EVI5: variants seen among roughly 807,000 people sequenced by gnomAD.
EVI5 encodes ecotropic viral integration site 5.
Under a neutral mutation model 112.0 loss-of-function variants are expected in EVI5, and 73 were observed. That is an observed-to-expected ratio of 0.65 (90% CI 0.54 to 0.79). EVI5 has a LOEUF of 0.79. Ranked by LOEUF, EVI5 falls within the 30% of genes least tolerant of loss-of-function variation. The pLI is 0.00. For synonymous variants in EVI5, 305 were observed against 319.9 expected (o/e 0.95, Z 0.50); for missense variants, 900 against 968.8 (o/e 0.93, Z 0.94).
At chr1:92,755,224 C>T (rs1017367479) in intron 1 of EVI5, among the ~76,000 whole-genome samples, 5 of 151,716 alleles carry the variant, frequency 3.3e-5, no homozygotes, top group Admixed American at 2.0e-4. Flanking sequence ...GCCTGGCCAA[C>T]ATGTTGAAAC....
At chr1:92,644,756 T>C (rs1324192088) in intron 13 of EVI5, among the ~76,000 whole-genome samples, 2 of 152,188 alleles carry the variant, frequency 1.3e-5, no homozygotes, top group African/African-American at 4.8e-5. Context: ...TGTTCTAATT[T>C]CCTTTTAGAC....
At chr1:92,785,129 C>T (rs970379081), upstream of EVI5, 5 of 985,212 alleles carry the variant, frequency 5.1e-6, no homozygotes, top group African/African-American at 7.0e-5. Flanking sequence ...CGCGGGAGGG[C>T]CTTAAAGAGA....
chr1:92,714,539 G>A (rs1320247078), intron 2 of EVI5, among the ~76,000 whole-genome samples: 1 of 152,160 alleles, frequency 6.6e-6, no homozygotes, highest in African/African-American at 2.4e-5. Flanking sequence ...TGGGGCGATA[G>A]GACAGAACAG....
intron 16 of EVI5, among the ~76,000 whole-genome samples, chr1:92,617,197 C>G (rs1360990552): frequency 6.6e-6 from 1 of 152,232 alleles, no homozygotes; most frequent in Non-Finnish European, 1.5e-5. Flanking sequence ...GAAGGTAAAT[C>G]TTCCCAGTGG....
At chr1:92,525,539 G>A (rs1251796606) in intron 19 of EVI5, among the ~76,000 whole-genome samples, 3 of 152,156 alleles carry the variant, frequency 2.0e-5, no homozygotes, top group African/African-American at 7.2e-5. Flanking sequence ...AAAGTGCTGG[G>A]ATTACAGGGG....
intron 1 of EVI5, among the ~76,000 whole-genome samples, chr1:92,746,987 G>A (rs943106396): frequency 6.6e-6 from 1 of 152,046 alleles, no homozygotes; most frequent in African/African-American, 2.4e-5. Context: ...AAGTAACGGG[G>A]GAAAAGCTAT....
At chr1:92,591,107 A>C (rs1403228813) in intron 18 of EVI5, among the ~76,000 whole-genome samples, 2 of 152,250 alleles carry the variant, frequency 1.3e-5, no homozygotes, top group African/African-American at 2.4e-5. Flanking sequence ...AGAGCTCCTG[A>C]AGGAAGCACT....
intron 2 of EVI5, among the ~76,000 whole-genome samples, chr1:92,712,595 C>A (rs953866457): frequency 2.6e-5 from 4 of 152,024 alleles, no homozygotes; most frequent in African/African-American, 9.6e-5. Flanking sequence ...AATCAGAGAA[C>A]TGATAAAAAA....
At chr1:92,548,194 T>C (rs530208243) in intron 19 of EVI5, among the ~76,000 whole-genome samples, 2 of 152,272 alleles carry the variant, frequency 1.3e-5, no homozygotes, top group African/African-American at 2.4e-5. Context: ...TGGTTCAACA[T>C]ACGAAAATCA....
intron 1 of EVI5, chr1:92,756,745 G>A: frequency 2.0e-6 from 1 of 492,716 alleles, no homozygotes; most frequent in Non-Finnish European, 4.1e-6. Flanking sequence ...TTAGCAGATG[G>A]TATCTACTAT....
In EVI5 at chr1:92,736,560, T is replaced by C; in HGVS notation, c.-14A>G. The C allele has an allele frequency of 6.2e-7, 1 of 1,614,140 alleles. No homozygotes were observed. The highest frequency in any genetic ancestry group is 1.1e-5 in the South Asian group (1 of 91,088). ...CTGACTGGCCATCTGACTGACTGTA[T>C]GCGATACTGTGTTCTTCACCCATGA... On this transcript the variant is annotated 5_prime_UTR_variant, in exon 2 of 20. Transcript: ENST00000684568.
intron 18 of EVI5, among the ~76,000 whole-genome samples, chr1:92,604,855 A>G (rs1263052334): frequency 6.6e-6 from 1 of 152,192 alleles, no homozygotes; most frequent in East Asian, 1.9e-4. Context: ...ATCCTATGGG[A>G]CCATTACCAT....
chr1:92,777,218 G>C (rs1009095026), intron 1 of EVI5, among the ~76,000 whole-genome samples: 2 of 152,176 alleles, frequency 1.3e-5, no homozygotes, highest in Non-Finnish European at 1.5e-5. Flanking sequence ...GATTACAGGC[G>C]TGAGCCACCA....
intron 13 of EVI5, among the ~76,000 whole-genome samples, chr1:92,640,635 A>G (rs1237273948): frequency 6.6e-6 from 1 of 152,188 alleles, no homozygotes; most frequent in African/African-American, 2.4e-5. Flanking sequence ...GACAGATAGG[A>G]ATGCTTTTAT....
chr1:92,699,624 A>G (rs1438463806), intron 5 of EVI5, among the ~76,000 whole-genome samples: 1 of 152,158 alleles, frequency 6.6e-6, no homozygotes. Context: ...CCTATACCAT[A>G]TAGCTTACTA....
At chr1:92,663,524 C>A in intron 11 of EVI5, 72 bp from the exon 12 acceptor site, 2 of 669,954 alleles carry the variant, frequency 3.0e-6, no homozygotes, top group Non-Finnish European at 2.4e-6. Context: ...AAAAAAGAAA[C>A]AAATATACCC....
chr1:92,703,243 A>G (rs1671476092), intron 4 of EVI5, 152 bp downstream of exon 4: 1 of 589,248 alleles, frequency 1.7e-6, no homozygotes, highest in South Asian at 2.2e-5. Context: ...GTAATGTAGC[A>G]TAAGAATTAA....
Position 92,681,517 on chromosome 1 carries a change from G to A in EVI5, c.1098-4299C>T, listed in dbSNP as rs374057044. Among the ~76,000 whole-genome samples the A allele has an allele frequency of 9.4e-4, 143 of 152,290 alleles. 1 individual carries two copies. In the South Asian group the frequency reaches 0.028, roughly 29 times the overall value. ...AAGATTCAACTCTTACAACTGTCAT[G>A]TAGTAAGGGAACCTATGAGCCTTTG... On this transcript the variant is annotated intron_variant, in intron 9 of 19. Coordinates refer to ENST00000684568, the MANE Select transcript of EVI5 (RefSeq NM_001350197.2).
intron 18 of EVI5, among the ~76,000 whole-genome samples, chr1:92,590,588 A>G (rs1673654095): frequency 6.6e-6 from 1 of 152,210 alleles, no homozygotes; most frequent in African/African-American, 2.4e-5. Flanking sequence ...AGAAATGAAC[A>G]GTCTCCAAGA....
Sources: allele counts gnomAD v4.1 joint callset (sites outside exome capture counted in the v4.1 genomes callset), GRCh38; gene constraint gnomAD v4.1.1; transcripts MANE v1.5; gene names NCBI Gene and HGNC (gene_info 2026-07-23, HGNC 2026-07-21).